TTC39B: variants seen among roughly 807,000 people sequenced by gnomAD.
TTC39B encodes tetratricopeptide repeat domain 39B.
A neutral mutation model predicts 96.6 loss-of-function variants in TTC39B; 92 were observed. The ratio of observed to expected loss-of-function variants is 0.95; its 90% CI spans 0.80 to 1.13. The LOEUF is 1.13. Ranked by LOEUF, TTC39B falls within the 50% of genes most tolerant of loss-of-function variation. TTC39B has a pLI of 0.00. For missense variants in TTC39B, 955 were observed against 809.3 expected (o/e 1.18, Z -2.18); for synonymous variants, 367 against 299.4 (o/e 1.23, Z -2.33).
intron 16 of TTC39B, among the ~76,000 whole-genome samples, chr9:15,184,587 T>G (rs1382927931): frequency 6.6e-6 from 1 of 152,208 alleles, no homozygotes; most frequent in Non-Finnish European, 1.5e-5. Flanking sequence ...TTAAGAAAAT[T>G]CAAGTTGAAA....
At chr9:15,297,029 C>T (rs370125511) in intron 1 of TTC39B, among the ~76,000 whole-genome samples, 2 of 152,024 alleles carry the variant, frequency 1.3e-5, no homozygotes, top group Non-Finnish European at 2.9e-5. Flanking sequence ...AAGCCAAACT[C>T]GGTAGCTAAG....
intron 2 of TTC39B, among the ~76,000 whole-genome samples, chr9:15,265,467 T>G (rs2131545690): frequency 6.6e-6 from 1 of 152,298 alleles, no homozygotes; most frequent in Non-Finnish European, 1.5e-5. Context: ...CCTGATCCTT[T>G]TCCATCCCCT....
chr9:15,171,883 A>T, exon 20 of TTC39B: 1 of 516,932 alleles, frequency 1.9e-6, no homozygotes, highest in Non-Finnish European at 3.3e-6. Context: ...AATCTCTCAG[A>T]TGATAGAAAA....
intron 1 of TTC39B, among the ~76,000 whole-genome samples, chr9:15,271,645 T>C (rs970238374): frequency 2.0e-5 from 3 of 152,188 alleles, no homozygotes; most frequent in African/African-American, 7.2e-5. Flanking sequence ...CCTCCTGCTG[T>C]GCAGCCTGGT....
chr9:15,260,700 GA>G (rs775356632), intron 2 of TTC39B, among the ~76,000 whole-genome samples: 3 of 152,216 alleles, frequency 2.0e-5, no homozygotes, highest in Non-Finnish European at 2.9e-5. Context: ...TGTGGAGAAG[GA>G]AAAAGTTTGT....
intron 2 of TTC39B, among the ~76,000 whole-genome samples, chr9:15,227,579 C>T (rs75812018): frequency 0.014 from 2,079 of 152,164 alleles, 46 homozygotes; most frequent in African/African-American, 0.046. Context: ...TTATTTCCAT[C>T]ACAAAAACTT....
chr9:15,236,206 A>C (rs1296019129), intron 2 of TTC39B, among the ~76,000 whole-genome samples: 1 of 152,228 alleles, frequency 6.6e-6, no homozygotes, highest in Non-Finnish European at 1.5e-5. Flanking sequence ...ACCAACTAAC[A>C]GTAAAAAAAG....
chr9:15,267,292 A>C (rs558968617), intron 2 of TTC39B, among the ~76,000 whole-genome samples: 60 of 152,260 alleles, frequency 3.9e-4, no homozygotes, highest in Non-Finnish European at 7.6e-4. Context: ...TAGAAGCTGA[A>C]GTTAACTAAT....
chr9:15,284,188 T>C (rs922388808), intron 1 of TTC39B, among the ~76,000 whole-genome samples: 21 of 152,168 alleles, frequency 1.4e-4, no homozygotes, highest in African/African-American at 5.1e-4. Context: ...AATGTGGAAA[T>C]GTGCACGTAA....
chr9:15,192,484 C>T, intron 9 of TTC39B, 106 bp downstream of exon 9: 2 of 838,858 alleles, frequency 2.4e-6, no homozygotes, highest in Non-Finnish European at 3.8e-6. Flanking sequence ...GTTTGTCAAC[C>T]AACCCAAGGA....
chr9:15,185,742 A>G (rs1818488592), intron 15 of TTC39B, among the ~76,000 whole-genome samples: 1 of 152,224 alleles, frequency 6.6e-6, no homozygotes, highest in Admixed American at 6.5e-5. Flanking sequence ...TAGGTATACA[A>G]CTGGCGATTT....
chr9:15,293,130 T>C (rs941815827), intron 1 of TTC39B, among the ~76,000 whole-genome samples: 7 of 152,194 alleles, frequency 4.6e-5, no homozygotes, highest in African/African-American at 1.7e-4. Context: ...CTTTTCTATG[T>C]TTAGATACAC....
intron 2 of TTC39B, among the ~76,000 whole-genome samples, chr9:15,234,410 G>T (rs2131444134): frequency 6.7e-6 from 1 of 148,224 alleles, no homozygotes; most frequent in Non-Finnish European, 1.5e-5. Context: ...GGAGGTGGGG[G>T]GGTCAGCCCC....
intron 3 of TTC39B, chr9:15,224,399 A>T (rs963447811): frequency 5.3e-5 from 8 of 152,380 alleles, no homozygotes; most frequent in Admixed American, 5.2e-4. Flanking sequence ...CCTCTCTCAC[A>T]CATCTATGTA....
chr9:15,174,055 C>G (rs749955513), intron 19 of TTC39B, among the ~76,000 whole-genome samples: 6 of 152,144 alleles, frequency 3.9e-5, no homozygotes, highest in African/African-American at 7.2e-5. Flanking sequence ...TTTAATTATG[C>G]AAATCTCAGC....
At chr9:15,199,964 A>C in intron 7 of TTC39B, 39 bp from the exon 8 acceptor site, 1 of 1,237,458 alleles carries the variant, frequency 8.1e-7, no homozygotes, top group Non-Finnish European at 1.2e-6. Context: ...TTATTTAGCA[A>C]AAAATTTTAA....
At chr9:15,246,081 C>T (rs1241380735) in intron 2 of TTC39B, among the ~76,000 whole-genome samples, 1 of 152,096 alleles carries the variant, frequency 6.6e-6, no homozygotes, top group Non-Finnish European at 1.5e-5. Context: ...TGGAGAAACC[C>T]TGTGTCTAAT....
intron 1 of TTC39B, among the ~76,000 whole-genome samples, chr9:15,291,368 T>A (rs1197034274): frequency 6.6e-6 from 1 of 152,168 alleles, no homozygotes; most frequent in Non-Finnish European, 1.5e-5. Context: ...CTGTACAAGC[T>A]CTCTCTTTGC....
chr9:15,188,239 C>T, intron 13 of TTC39B, 107 bp from the exon 14 acceptor site: 1 of 1,030,470 alleles, frequency 9.7e-7, no homozygotes, highest in Non-Finnish European at 1.4e-6. Context: ...AAAATTATCA[C>T]TCATTAAACC....
Sources: allele counts gnomAD v4.1 joint callset (sites outside exome capture counted in the v4.1 genomes callset), GRCh38; gene constraint gnomAD v4.1.1; transcripts MANE v1.5; gene names NCBI Gene and HGNC (gene_info 2026-07-23, HGNC 2026-07-21).